Variants in MINDY3 observed in about 807,000 individuals in gnomAD.
The protein encoded by MINDY3 is ubiquitin carboxyl-terminal hydrolase MINDY-3.
MINDY3 carries 38 observed loss-of-function variants against 69.2 expected under a neutral mutation model. The observed-to-expected ratio is 0.55, with a 90% CI of 0.42 to 0.72. MINDY3 has a LOEUF of 0.72. Ranked by LOEUF, MINDY3 falls within the 30% of genes least tolerant of loss-of-function variation. MINDY3 has a pLI of 0.00. For synonymous variants in MINDY3, 192 were observed against 180.1 expected, an observed-to-expected ratio of 1.07 and a Z score of -0.53; for missense variants, 522 against 519.0, an observed-to-expected ratio of 1.01 and a Z score of -0.06.
At chr10:15,788,568 T>G (rs1041443054) in intron 12 of MINDY3, among the ~76,000 whole-genome samples, 18 of 152,004 alleles carry the variant, frequency 1.2e-4, no homozygotes, top group Non-Finnish European at 2.4e-4. Context: ...AAAAAAGGAG[T>G]AAAGGTCCTA....
chr10:15,779,513 G>T (rs569910069), intron 14 of MINDY3, among the ~76,000 whole-genome samples: 4 of 152,200 alleles, frequency 2.6e-5, no homozygotes, highest in African/African-American at 9.6e-5. Context: ...CTTTAATACT[G>T]AGGTTCTCAG....
intron 14 of MINDY3, 149 bp downstream of exon 14, chr10:15,782,006 G>T: frequency 1.5e-6 from 1 of 678,296 alleles, no homozygotes; most frequent in Non-Finnish European, 2.6e-6. Flanking sequence ...CAAATCCAAA[G>T]ATGGCTGATT....
chr10:15,844,414 CT>C (rs1366325917), intron 2 of MINDY3, among the ~76,000 whole-genome samples: 2 of 152,120 alleles, frequency 1.3e-5, no homozygotes, highest in Non-Finnish European at 2.9e-5. Flanking sequence ...TCCTTCCCAT[CT>C]TTTTTAATAT....
At chr10:15,801,766 C>A (rs776391548) in intron 10 of MINDY3, among the ~76,000 whole-genome samples, 1 of 151,810 alleles carries the variant, frequency 6.6e-6, no homozygotes, top group Non-Finnish European at 1.5e-5. Flanking sequence ...TCCATCTGGC[C>A]CAAAACATAT....
chr10:15,783,278 C>A (rs1394683640), intron 13 of MINDY3, among the ~76,000 whole-genome samples: 1 of 152,184 alleles, frequency 6.6e-6, no homozygotes, highest in Non-Finnish European at 1.5e-5. Context: ...TTCCCCCTCA[C>A]TTATGCCAAT....
chr10:15,850,169 C>T (rs1834178379), intron 1 of MINDY3, among the ~76,000 whole-genome samples: 1 of 152,172 alleles, frequency 6.6e-6, no homozygotes, highest in Non-Finnish European at 1.5e-5. Flanking sequence ...TTATAATTTC[C>T]TATGCCTGTC....
Position 15,805,635 on chromosome 10 carries a change from G to C in MINDY3, c.883-9463C>G, listed in dbSNP as rs1165605359. 4.6e-5 allele frequency among the ~76,000 whole-genome samples: 7 copies of C among 152,042 alleles called. No individual in the cohort carries two copies. The East Asian group carries it at 7.7e-4, about 17-fold the overall frequency. ...CCTGAAGTACTTTTCTCTGAAATGG[G>C]CCTACTTCCTTGCCTCATTGACATC... On this transcript the variant is annotated intron_variant, in intron 10 of 14. Coordinates refer to ENST00000277632, the MANE Select transcript of MINDY3 (RefSeq NM_024948.4).
Position 15,796,093 on chromosome 10 carries a change from C to G in MINDY3, c.955+7G>C. The G allele has an allele frequency of 6.2e-7, 1 of 1,609,096 alleles. No homozygotes were observed. Among genetic ancestry groups the G allele is most frequent in the South Asian group, 1.1e-5 (1 of 90,812 alleles). ...TAAAACACAGAGATGATGTTAAAATCTTTTACCTTCTGGGTCGTAGGTTTG... is the reference window on the plus strand; with the variant it reads ...TAAAACACAGAGATGATGTTAAAATGTTTTACCTTCTGGGTCGTAGGTTTG... On this transcript the variant is annotated splice_region_variant and intron_variant, in intron 11 of 14. Coordinates refer to ENST00000277632, the MANE Select transcript of MINDY3 (RefSeq NM_024948.4).
At chr10:15,799,430 C>A (rs1055288326) in intron 10 of MINDY3, among the ~76,000 whole-genome samples, 1 of 152,060 alleles carries the variant, frequency 6.6e-6, no homozygotes, top group Non-Finnish European at 1.5e-5. Context: ...AACTCCTGAC[C>A]TCATGATCCA....
In MINDY3 at chr10:15,826,756, G is replaced by C. The variant is rs188525868; in HGVS notation, c.731-5030C>G. Among the ~76,000 whole-genome samples the C allele has an allele frequency of 2.0e-5, 3 of 152,174 alleles. No homozygotes were observed. The East Asian group carries it at 5.8e-4, about 29-fold the overall frequency. On this transcript the variant is annotated intron_variant, in intron 8 of 14. Transcript: ENST00000277632. ...AATAGAATAAAAACATGTAAATATG[G>C]AAAAATGTGTTCAACAAAAAACGTA...
rs1588572051 is a variant in MINDY3, at chr10:15,815,057, T to A, written c.882+1778A>T. Among the ~76,000 whole-genome samples the A allele has an allele frequency of 2.0e-5, 3 of 152,350 alleles. No homozygotes were observed. The East Asian group carries it at 5.8e-4, about 29-fold the overall frequency. On this transcript the variant is annotated intron_variant, in intron 10 of 14. Coordinates refer to ENST00000277632, the MANE Select transcript of MINDY3 (RefSeq NM_024948.4). ...TTTAGTTTCATATAATTAGTTTTCC[T>A]TAAAGAATAAGGTTGCAGACAAACA... is the stretch of plus-strand genomic sequence containing the variant.
intron 5 of MINDY3, 93 bp downstream of exon 5, chr10:15,838,135 A>G: frequency 7.3e-7 from 1 of 1,370,686 alleles, no homozygotes; most frequent in Non-Finnish European, 9.5e-7. Context: ...GCGCATTTCT[A>G]TGTAAAACTA....
intron 14 of MINDY3, among the ~76,000 whole-genome samples, chr10:15,781,712 AACTTAAGCAAAGT>A (rs1836545935): frequency 1.3e-5 from 2 of 152,212 alleles, no homozygotes; most frequent in Admixed American, 6.5e-5. Context: ...GGTGCTGTGA[AACTTAAGCAAAGT>A]ACTTAATACA....
chr10:15,842,285 T>C (rs754307134), intron 3 of MINDY3, among the ~76,000 whole-genome samples: 25 of 151,964 alleles, frequency 1.6e-4, no homozygotes, highest in Admixed American at 1.2e-3. Flanking sequence ...TCTCTCCTAA[T>C]GGATTAACAG....
intron 13 of MINDY3, among the ~76,000 whole-genome samples, chr10:15,785,624 G>T (rs1836895785): frequency 6.6e-6 from 1 of 152,092 alleles, no homozygotes; most frequent in African/African-American, 2.4e-5. Context: ...TTTTCATGAA[G>T]GCTTTAAGAC....
intron 13 of MINDY3, among the ~76,000 whole-genome samples, chr10:15,786,012 C>G (rs1836931485): frequency 6.6e-6 from 1 of 152,140 alleles, no homozygotes; most frequent in Admixed American, 6.6e-5. Flanking sequence ...GGATATAGAA[C>G]TGGCTTGCCA....
rs528267882 is a variant in MINDY3, at chr10:15,796,838, T to C, written c.883-666A>G. On this transcript the variant is annotated intron_variant, in intron 10 of 14. Transcript: ENST00000277632. ...GATTCTAAGCACAAAAATTGTGTTC[T>C]CTTTGATTCTTTACATTTACCCCAC... is the stretch of plus-strand genomic sequence containing the variant. Among the ~76,000 whole-genome samples, 15 of 152,206 alleles carry C rather than the reference T, an allele frequency of 9.9e-5. No homozygotes were observed. The South Asian group carries it at 2.5e-3, about 25-fold the overall frequency.
chr10:15,782,155 CT>C lies in MINDY3; in HGVS notation c.1187del (p.Lys396ArgfsTer5), dbSNP rs1836591865. On this transcript the variant is annotated frameshift_variant and splice_region_variant, in exon 14 of 15. Transcript: ENST00000277632. LOFTEE classifies it high-confidence loss of function. ...CCGACGACTACGTGAATTATCATAC[CT>C]TTTCATTATAATTTGACTGCTTCAA... The part of the protein sequence containing the change: ...NGLKQSNYNE[K>X]VMYVEGTAVV... 4.4e-6 allele frequency: 7 copies of C among 1,603,066 alleles called. No individual in the cohort carries two copies. The highest frequency in any genetic ancestry group is 1.7e-5 in the Admixed American group (1 of 59,496).
intron 3 of MINDY3, among the ~76,000 whole-genome samples, chr10:15,841,981 AT>A (rs903585267): frequency 5.3e-5 from 8 of 151,370 alleles, no homozygotes; most frequent in Non-Finnish European, 8.9e-5. Flanking sequence ...TGAAACCTCT[AT>A]TTTTTTTCCC....
Sources: allele counts gnomAD v4.1 joint callset (sites outside exome capture counted in the v4.1 genomes callset), GRCh38; gene constraint gnomAD v4.1.1; transcripts MANE v1.5; gene names NCBI Gene and HGNC (gene_info 2026-07-23, HGNC 2026-07-21).